The following KLHL5 variants were observed in gnomAD, a reference collection of about 807,000 sequenced individuals.
KLHL5 encodes the protein kelch like family member 5.
KLHL5 carries 48 observed loss-of-function variants against 77.7 expected under a neutral mutation model. The ratio of observed to expected loss-of-function variants is 0.62; its 90% CI spans 0.49 to 0.79. The LOEUF is 0.79. Ranked by LOEUF, KLHL5 falls within the 30% of genes least tolerant of loss-of-function variation. The probability of loss-of-function intolerance (pLI) is 0.00; values close to 1 mark genes in which losing one functional copy is unlikely to be tolerated. For missense variants in KLHL5, 723 were observed against 859.7 expected, an observed-to-expected ratio of 0.84 and a Z score of 1.99; for synonymous variants, 260 against 297.0, an observed-to-expected ratio of 0.88 and a Z score of 1.28.
At chr4:39,139,993 G>A in the KLHL5 span, among the ~76,000 whole-genome samples, 2 of 152,152 alleles carry the variant, frequency 1.3e-5, no homozygotes, top group African/African-American at 2.4e-5. Flanking sequence ...TTGGGAGGCC[G>A]AAGCAGGCGG....
intron 1 of KLHL5, among the ~76,000 whole-genome samples, chr4:39,065,189 A>G (rs1156436140): frequency 1.3e-5 from 2 of 152,092 alleles, no homozygotes; most frequent in African/African-American, 4.8e-5. Flanking sequence ...TAATTTTTAC[A>G]TCTTCCTTCA....
In KLHL5 at chr4:39,121,981, G is replaced by A. The variant is rs1404268302; in HGVS notation, c.*915G>A. ...CTGCCTCCCCTGCCTTATTTCTTAT[G>A]TTTTGCCACAGTTAACCCATTGTGC... On this transcript the variant is annotated 3_prime_UTR_variant, in exon 11 of 11. Coordinates refer to ENST00000504108, the MANE Select transcript of KLHL5 (RefSeq NM_015990.5). The A allele has an allele frequency of 6.6e-6, 1 of 152,470 alleles. No individual in the cohort carries two copies. The highest frequency in any genetic ancestry group is 1.5e-5 in the Non-Finnish European group (1 of 67,992). The allele number at this position is 152,470 out of a possible 1,614,324, so 9.4% of individuals were successfully genotyped here.
At chr4:39,135,010 G>A in the KLHL5 span, among the ~76,000 whole-genome samples, 4 of 152,138 alleles carry the variant, frequency 2.6e-5, no homozygotes, top group African/African-American at 9.7e-5. Flanking sequence ...GAGTCCAGTT[G>A]GGAGACAGAA....
upstream of KLHL5, among the ~76,000 whole-genome samples, chr4:39,058,518 G>A (rs1447077525): frequency 6.6e-6 from 1 of 152,038 alleles, no homozygotes; most frequent in Non-Finnish European, 1.5e-5. Flanking sequence ...CTGGGAGGCT[G>A]AGATGGAAGG....
At chr4:39,101,332 G>A (rs1353850337) in intron 6 of KLHL5, among the ~76,000 whole-genome samples, 1 of 151,590 alleles carries the variant, frequency 6.6e-6, no homozygotes, top group Non-Finnish European at 1.5e-5. Flanking sequence ...ATTTGTTGGA[G>A]GGAATTTTCT....
intron 1 of KLHL5, among the ~76,000 whole-genome samples, chr4:39,054,058 C>G (rs1385517254): frequency 6.6e-6 from 1 of 152,154 alleles, no homozygotes; most frequent in African/African-American, 2.4e-5. Context: ...GTTCCCCCTC[C>G]CCGCTGCCTT....
chr4:39,080,618 TTTATAGTG>T (rs1719528217), intron 2 of KLHL5, among the ~76,000 whole-genome samples: 1 of 151,700 alleles, frequency 6.6e-6, no homozygotes, highest in Non-Finnish European at 1.5e-5. Flanking sequence ...AAAATATAGT[TTTATAGTG>T]TTATTACAAC....
In KLHL5 at chr4:39,062,407, G is replaced by A. The variant is rs1717498774; in HGVS notation, c.-246G>A. ...TAGCTGCTTCAGGATAGGTGGATGAGAGTTTGCTCTGATTGAACGGAATGT... is the reference window on the plus strand; with the variant it reads ...TAGCTGCTTCAGGATAGGTGGATGAAAGTTTGCTCTGATTGAACGGAATGT... On this transcript the variant is annotated 5_prime_UTR_variant, in exon 1 of 11. Transcript: ENST00000504108. The A allele has an allele frequency of 1.4e-6, 2 of 1,475,962 alleles. No homozygotes were observed. The highest frequency in any genetic ancestry group is 1.8e-6 in the Non-Finnish European group (2 of 1,121,388). The allele number at this position is 1,475,962 out of a possible 1,614,324, so 91.4% of individuals were successfully genotyped here.
At chr4:39,069,214 A>G (rs566768516) in intron 1 of KLHL5, among the ~76,000 whole-genome samples, 3 of 152,174 alleles carry the variant, frequency 2.0e-5, no homozygotes, top group East Asian at 1.9e-4. Flanking sequence ...GCACATATTC[A>G]TTGGTCACAT....
intron 7 of KLHL5, among the ~76,000 whole-genome samples, chr4:39,105,758 A>T (rs1291482483): frequency 6.6e-6 from 1 of 151,544 alleles, no homozygotes; most frequent in Non-Finnish European, 1.5e-5. Flanking sequence ...ACACACACAC[A>T]CACACACACA....
the KLHL5 span, among the ~76,000 whole-genome samples, chr4:39,138,313 C>T: frequency 4.6e-5 from 7 of 152,040 alleles, no homozygotes; most frequent in South Asian, 4.1e-4. Context: ...GTATGTTCAT[C>T]GCAGCACTAT....
chr4:39,113,273 ATATAAG>A (rs1722592591), intron 9 of KLHL5, 41 bp downstream of exon 9: 1 of 1,489,960 alleles, frequency 6.7e-7, no homozygotes, highest in Non-Finnish European at 9.3e-7. Context: ...AAAAAGATAT[ATATAAG>A]TCTCTGATAC....
At position 39,115,327 on chromosome 4, in the gene KLHL5, C is replaced by G. The variant is rs751971626; in HGVS notation, c.2070C>G (p.Thr690=). Residue 690 remains threonine, a synonymous_variant, in exon 10 of 11, where the codon ACC becomes ACG. Transcript: ENST00000504108. ...ATGATCCCCAGACAAATGAGTGGAC[C>G]CAGGTATGGCATTCATGTTTCATTA... ...EAYDPQTNEW[T]QVAPLCLGRA... 6.2e-7 allele frequency: 1 copy of G among 1,613,800 alleles called. No individual in the cohort carries two copies. Among genetic ancestry groups the G allele is most frequent in the East Asian group, 2.2e-5 (1 of 44,860 alleles).
At chr4:39,057,082 C>T (rs895769290) in intron 1 of KLHL5, among the ~76,000 whole-genome samples, 4 of 152,178 alleles carry the variant, frequency 2.6e-5, no homozygotes, top group Non-Finnish European at 5.9e-5. Context: ...TCAACTTCAA[C>T]CAAATAAAGG....
chr4:39,129,206 G>A (rs544913930), downstream of KLHL5, among the ~76,000 whole-genome samples: 13 of 142,068 alleles, frequency 9.2e-5, no homozygotes, highest in East Asian at 1.2e-3. The surrounding 1 kb of genome is among the most constrained non-coding windows in gnomAD (Gnocchi z 4.2). Flanking sequence ...TTTTTGAGAC[G>A]GAGTCTTGCT....
upstream of KLHL5, among the ~76,000 whole-genome samples, chr4:39,058,726 C>T (rs1406615095): frequency 6.6e-6 from 1 of 151,628 alleles, no homozygotes; most frequent in Admixed American, 6.6e-5. Flanking sequence ...TTTATTATTG[C>T]TCTTATAATT....
chr4:39,115,388 T>C (rs562184856), intron 10 of KLHL5, 58 bp downstream of exon 10: 16 of 1,598,894 alleles, frequency 1.0e-5, no homozygotes, highest in Admixed American at 3.5e-5. Flanking sequence ...ACAATTCTTA[T>C]GGTAAAACAG....
At chr4:39,099,499 C>T (rs756626889) in intron 6 of KLHL5, among the ~76,000 whole-genome samples, 1 of 152,098 alleles carries the variant, frequency 6.6e-6, no homozygotes, top group Non-Finnish European at 1.5e-5. Flanking sequence ...TCTATTAATA[C>T]TTCTTCCCTC....
intron 7 of KLHL5, 64 bp from the exon 8 acceptor site, chr4:39,107,505 T>TA: frequency 7.5e-7 from 1 of 1,326,096 alleles, no homozygotes; most frequent in Admixed American, 1.9e-5. Flanking sequence ...ATACTTCAAT[T>TA]AAAATGTGAT....
Sources: gnomAD v4.1 joint callset for allele counts (sites outside exome capture counted in the v4.1 genomes callset) on GRCh38, gnomAD v4.1.1 for gene constraint, Gnocchi (gnomAD v3.1) non-coding constraint, MANE v1.5 for transcripts, NCBI Gene and HGNC (gene_info 2026-07-23, HGNC 2026-07-21) for gene names.